The following PAK3 variants were observed in gnomAD, a reference collection of about 807,000 sequenced individuals.
The protein encoded by PAK3 is serine/threonine-protein kinase PAK 3.
PAK3 carries 4 observed loss-of-function variants against 41.0 expected under a neutral mutation model. The ratio of observed to expected loss-of-function variants is 0.10; its 90% CI spans 0.05 to 0.22. The LOEUF (loss-of-function observed/expected upper bound fraction) is 0.22. Ranked by LOEUF, PAK3 falls within the 10% of genes least tolerant of loss-of-function variation. The probability of loss-of-function intolerance (pLI) is 1.00; values close to 1 mark genes in which losing one functional copy is unlikely to be tolerated. For missense variants in PAK3, 205 were observed against 409.9 expected (o/e 0.50, Z 4.32); for synonymous variants, 146 against 139.6 (o/e 1.05, Z -0.32).
intron 7 of PAK3, among the ~76,000 whole-genome samples, chrX:111,150,335 C>T (rs777225858): frequency 8.9e-6 from 1 of 112,066 alleles, no homozygotes; most frequent in East Asian, 2.8e-4. Context: ...TGCCTGTTGC[C>T]CAGTTACAAA....
chrX:110,959,420 C>T (rs747266183), intron 1 of PAK3, among the ~76,000 whole-genome samples: 3 of 111,813 alleles, frequency 2.7e-5, no homozygotes, highest in Non-Finnish European at 3.8e-5. Flanking sequence ...TCCTCTTTCT[C>T]GGGCTTTCCG....
chrX:111,068,662 C>T (rs1322563184), intron 1 of PAK3, among the ~76,000 whole-genome samples: 2 of 112,000 alleles, frequency 1.8e-5, no homozygotes, highest in Admixed American at 9.4e-5. Flanking sequence ...TAGCTTAGTT[C>T]GTTGACTTTT....
intron 1 of PAK3, among the ~76,000 whole-genome samples, chrX:111,075,281 C>T (rs1447321630): frequency 8.9e-6 from 1 of 112,531 alleles, no homozygotes; most frequent in Non-Finnish European, 1.9e-5. Flanking sequence ...GACAGCTCCT[C>T]CCATCACAGG....
chrX:111,212,554 C>T (rs1439121257), intron 16 of PAK3, among the ~76,000 whole-genome samples: 3 of 111,501 alleles, frequency 2.7e-5, no homozygotes, highest in African/African-American at 6.5e-5. Context: ...CAGTTTAGCC[C>T]ATATATAACT....
At chrX:111,001,931 TA>T (rs79071535) in intron 1 of PAK3, among the ~76,000 whole-genome samples, 314 of 99,882 alleles carry the variant, frequency 3.1e-3, no homozygotes, top group Admixed American at 5.6e-3. Flanking sequence ...CAAGAGTGCT[TA>T]AAAAAAAAAA....
intron 4 of PAK3, among the ~76,000 whole-genome samples, chrX:111,105,879 AAT>A (rs2093249728): frequency 9.0e-6 from 1 of 111,711 alleles, no homozygotes; most frequent in East Asian, 2.8e-4. Context: ...ACTCAAGCAC[AAT>A]CACTTACACA....
chrX:110,970,957 T>C (rs2091195171), intron 1 of PAK3, among the ~76,000 whole-genome samples: 1 of 112,110 alleles, frequency 8.9e-6, no homozygotes, highest in Non-Finnish European at 1.9e-5. Flanking sequence ...CTTGTCTTAT[T>C]GCACTGGGTA....
chrX:111,160,014 A>T (rs1046479861), intron 8 of PAK3, among the ~76,000 whole-genome samples: 1 of 111,993 alleles, frequency 8.9e-6, no homozygotes, highest in Non-Finnish European at 1.9e-5. Flanking sequence ...TTTAATCACA[A>T]TTGAGGTCCT....
intron 1 of PAK3, among the ~76,000 whole-genome samples, chrX:110,969,483 TAG>T (rs1354786370): frequency 2.2e-5 from 2 of 89,693 alleles, no homozygotes; most frequent in Non-Finnish European, 4.3e-5. Flanking sequence ...GGATTTTTAG[TAG>T]AGATAGGGTT....
chrX:111,211,079 C>G (rs2094813792), intron 16 of PAK3, among the ~76,000 whole-genome samples: 1 of 111,450 alleles, frequency 9.0e-6, no homozygotes, highest in Non-Finnish European at 1.9e-5. Flanking sequence ...TTTTAGGCAG[C>G]AATGAAAGGC....
intron 1 of PAK3, among the ~76,000 whole-genome samples, chrX:110,978,473 A>T (rs956190234): frequency 1.8e-5 from 2 of 110,986 alleles, no homozygotes; most frequent in Admixed American, 9.5e-5. Context: ...ACCTATTGAT[A>T]TGGTGGATTA....
At chrX:110,991,654 A>G (rs892412704) in intron 1 of PAK3, among the ~76,000 whole-genome samples, 6 of 112,556 alleles carry the variant, frequency 5.3e-5, no homozygotes, top group Non-Finnish European at 1.1e-4. Flanking sequence ...CAGCATAACT[A>G]AAACATGAGA....
intron 1 of PAK3, among the ~76,000 whole-genome samples, chrX:111,031,629 C>G (rs566374053): frequency 3.1e-4 from 35 of 111,366 alleles, no homozygotes; most frequent in African/African-American, 1.1e-3. Flanking sequence ...TCATCTTTCT[C>G]AGCCTACTTT....
chrX:111,224,211 A>G lies in PAK3; in HGVS notation c.*3764A>G, dbSNP rs944671454. 1 of 111,780 alleles carries G rather than the reference A, an allele frequency of 8.9e-6. No homozygotes were observed. The highest frequency in any genetic ancestry group is 3.3e-5 in the African/African-American group (1 of 30,701). The allele number at this position is 111,780 out of a possible 1,213,427, so 9.2% of individuals were successfully genotyped here. A position where few individuals can be genotyped will look rare whatever the true frequency, so the allele number is the denominator to read the frequency against. On this transcript the variant is annotated 3_prime_UTR_variant, in exon 18 of 18. Coordinates refer to ENST00000372007, the MANE Select transcript of PAK3 (RefSeq NM_002578.5). ...AAGTTAAAGCTAGGGAGATGTCACT[A>G]TTAGAACTCCAAACACACTCTTCTG... is the stretch of plus-strand genomic sequence containing the variant.
At chrX:111,153,628 C>T (rs1037945355) in intron 8 of PAK3, among the ~76,000 whole-genome samples, 1 of 111,731 alleles carries the variant, frequency 9.0e-6, no homozygotes, top group Non-Finnish European at 1.9e-5. Flanking sequence ...TATAGCAGAC[C>T]AATGCCTTTT....
chrX:111,144,010 G>A (rs1317314918), intron 6 of PAK3, among the ~76,000 whole-genome samples: 1 of 105,241 alleles, frequency 9.5e-6, no homozygotes, highest in African/African-American at 4.0e-5. Context: ...GTCATCTTAT[G>A]ATACAGTATA....
intron 4 of PAK3, among the ~76,000 whole-genome samples, chrX:111,119,961 C>T (rs996613994): frequency 2.7e-5 from 3 of 111,979 alleles, no homozygotes; most frequent in Admixed American, 9.5e-5. Context: ...TTGGTTGTGC[C>T]TTGTAATGGG....
At position 110,951,700 on chromosome X, in the gene PAK3, T is replaced by C. The variant is rs148247430; in HGVS notation, c.-28+7072T>C. On this transcript the variant is annotated intron_variant, in intron 1 of 14. Coordinates refer to the PAK3 transcript ENST00000425146. ...CACGTGGAACACCTGTAATACATGT[T>C]TCACCTTCAATTATTTAAGTAAACA... is the stretch of plus-strand genomic sequence containing the variant. Among the ~76,000 whole-genome samples, 464 of 112,516 alleles carry C rather than the reference T, an allele frequency of 4.1e-3. 4 individuals carry two copies. Among genetic ancestry groups the C allele is most frequent in the African/African-American group, 0.015 (452 of 31,022 alleles).
At chrX:111,091,177 A>G (rs976166265) in intron 1 of PAK3, among the ~76,000 whole-genome samples, 2 of 111,465 alleles carry the variant, frequency 1.8e-5, no homozygotes, top group African/African-American at 6.5e-5. Context: ...TCCCTGGTGG[A>G]AGGGAACAGG....
Sources: allele counts gnomAD v4.1 joint callset (sites outside exome capture counted in the v4.1 genomes callset), GRCh38; gene constraint gnomAD v4.1.1; transcripts MANE v1.5; gene names NCBI Gene and HGNC (gene_info 2026-07-23, HGNC 2026-07-21).